The following SEMA3C variants were observed in gnomAD, a reference collection of about 807,000 sequenced individuals.
SEMA3C encodes the protein semaphorin-3C.
In SEMA3C, 47 loss-of-function variants were observed where a neutral mutation model predicts 89.4. That is an observed-to-expected ratio of 0.53 (90% CI 0.42 to 0.67). The LOEUF (loss-of-function observed/expected upper bound fraction) is 0.67, where lower values mean the gene tolerates loss of function less well. Ranked by LOEUF, SEMA3C falls within the 30% of genes least tolerant of loss-of-function variation. The pLI, the probability that SEMA3C is intolerant of heterozygous loss-of-function variation, is 0.00. For missense variants in SEMA3C, 839 were observed against 929.1 expected (o/e 0.90, Z 1.26); for synonymous variants, 310 against 320.2 (o/e 0.97, Z 0.34).
intron 2 of SEMA3C, among the ~76,000 whole-genome samples, chr7:80,863,581 G>T (rs749741765): frequency 4.3e-4 from 65 of 151,370 alleles, no homozygotes; most frequent in Admixed American, 9.9e-4. Flanking sequence ...AGCACAATTC[G>T]CAATTGCAAA....
intron 13 of SEMA3C, among the ~76,000 whole-genome samples, chr7:80,762,948 T>C (rs1379560817): frequency 2.0e-5 from 3 of 152,236 alleles, no homozygotes; most frequent in African/African-American, 7.2e-5. Context: ...TGCATGTATT[T>C]ACCAACATTT....
chr7:80,815,810 T>C (rs1255865049), intron 5 of SEMA3C: 2 of 152,114 alleles, frequency 1.3e-5, no homozygotes, highest in African/African-American at 2.4e-5. Context: ...GGTAAAGTTA[T>C]CTGCTTGATA....
intron 12 of SEMA3C, among the ~76,000 whole-genome samples, chr7:80,785,778 T>C (rs761131904): frequency 4.6e-5 from 7 of 152,134 alleles, no homozygotes; most frequent in Non-Finnish European, 1.0e-4. Flanking sequence ...CGGGATAATT[T>C]TGTATTTTTA....
At chr7:80,890,749 A>G (rs963392947) in intron 2 of SEMA3C, among the ~76,000 whole-genome samples, 1 of 152,226 alleles carries the variant, frequency 6.6e-6, no homozygotes, top group Non-Finnish European at 1.5e-5. Context: ...TTTTAAAATA[A>G]CGTCCTAGCT....
chr7:80,782,825 G>A (rs920666149), intron 12 of SEMA3C, among the ~76,000 whole-genome samples: 1 of 152,112 alleles, frequency 6.6e-6, no homozygotes, highest in Admixed American at 6.6e-5. Context: ...TTCTTCATAT[G>A]ATATTTATAA....
intron 2 of SEMA3C, among the ~76,000 whole-genome samples, chr7:80,850,804 T>G (rs1334190405): frequency 6.6e-6 from 1 of 152,216 alleles, no homozygotes; most frequent in Non-Finnish European, 1.5e-5. Flanking sequence ...AATCGATGCA[T>G]GCATAATCTC....
At chr7:80,753,987 G>T (rs1480477869) in intron 15 of SEMA3C, among the ~76,000 whole-genome samples, 1 of 152,202 alleles carries the variant, frequency 6.6e-6, no homozygotes, top group African/African-American at 2.4e-5. Flanking sequence ...GCCCAGGCTG[G>T]AGTGCAGTGG....
chr7:80,843,678 T>A (rs1160487623), intron 2 of SEMA3C, among the ~76,000 whole-genome samples: 1 of 152,182 alleles, frequency 6.6e-6, no homozygotes, highest in Non-Finnish European at 1.5e-5. Flanking sequence ...AATTGTACAC[T>A]AGCTTTAGGG....
At chr7:80,825,573 T>G (rs1789853678) in intron 4 of SEMA3C, among the ~76,000 whole-genome samples, 1 of 152,164 alleles carries the variant, frequency 6.6e-6, no homozygotes, top group African/African-American at 2.4e-5. Flanking sequence ...AGAAACCAAA[T>G]GACTTGTCTA....
At chr7:80,767,099 C>T (rs1788322109) in intron 12 of SEMA3C, among the ~76,000 whole-genome samples, 1 of 152,188 alleles carries the variant, frequency 6.6e-6, no homozygotes, top group South Asian at 2.1e-4. Flanking sequence ...TCCTTCCATT[C>T]CTGCTCTAAA....
chr7:80,909,461 T>C (rs1480454042), intron 2 of SEMA3C, among the ~76,000 whole-genome samples: 1 of 152,166 alleles, frequency 6.6e-6, no homozygotes, highest in African/African-American at 2.4e-5. Context: ...TATCAGAAAA[T>C]AGTTGTACTA....
chr7:80,794,845 A>G (rs566519557), intron 11 of SEMA3C, among the ~76,000 whole-genome samples: 1 of 152,296 alleles, frequency 6.6e-6, no homozygotes, highest in South Asian at 2.1e-4. Flanking sequence ...ACAAACTTGA[A>G]TTACTTACGG....
intron 12 of SEMA3C, among the ~76,000 whole-genome samples, chr7:80,768,288 C>A (rs974746536): frequency 2.6e-5 from 4 of 152,016 alleles, no homozygotes; most frequent in Non-Finnish European, 5.9e-5. Flanking sequence ...CCGAGGTGGG[C>A]GGATCACGAG....
rs779620887 is a variant in SEMA3C, at chr7:80,827,494, A to C, written c.265-7T>G. Reference sequence around the variant, plus strand: ...TAGATGCTGGCCAGAAAACCTGCTCAGAAAGAAAAATAAAGGTTGCATAAT... The same window carrying C: ...TAGATGCTGGCCAGAAAACCTGCTCCGAAAGAAAAATAAAGGTTGCATAAT... On this transcript the variant is annotated splice_region_variant and splice_polypyrimidine_tract_variant and intron_variant, in intron 3 of 17. Transcript: ENST00000265361. The C allele has an allele frequency of 6.3e-6, 10 of 1,596,958 alleles. No homozygotes were observed. The highest frequency in any genetic ancestry group is 1.7e-4 in the Middle Eastern group (1 of 6,006).
chr7:80,905,328 G>A (rs1188839154), intron 2 of SEMA3C, among the ~76,000 whole-genome samples: 1 of 98,126 alleles, frequency 1.0e-5, no homozygotes, highest in Admixed American at 1.1e-4. Flanking sequence ...GAGAGAGGGG[G>A]AGGGGTGGAG....
intron 2 of SEMA3C, among the ~76,000 whole-genome samples, chr7:80,896,040 A>G (rs1282696190): frequency 6.6e-6 from 1 of 152,098 alleles, no homozygotes; most frequent in Non-Finnish European, 1.5e-5. Context: ...AGTTGTGTTT[A>G]GTTTATCTTA....
chr7:80,788,214 G>T (rs1478769636), intron 12 of SEMA3C, among the ~76,000 whole-genome samples: 1 of 152,128 alleles, frequency 6.6e-6, no homozygotes, highest in Non-Finnish European at 1.5e-5. Context: ...TTACAGACGT[G>T]TTGTCTCTTT....
intron 2 of SEMA3C, among the ~76,000 whole-genome samples, chr7:80,883,967 T>C (rs1006501238): frequency 1.3e-5 from 2 of 152,326 alleles, no homozygotes; most frequent in African/African-American, 4.8e-5. Flanking sequence ...CAAGAGGTCG[T>C]TTCCTAACAT....
intron 12 of SEMA3C, among the ~76,000 whole-genome samples, chr7:80,783,010 A>ATTT (rs933526683): frequency 6.6e-6 from 1 of 152,162 alleles, no homozygotes; most frequent in African/African-American, 2.4e-5. Context: ...ACTAGAACCA[A>ATTT]TTATCATATA....
Sources: gnomAD v4.1 joint callset for allele counts (sites outside exome capture counted in the v4.1 genomes callset) on GRCh38, gnomAD v4.1.1 for gene constraint, MANE v1.5 for transcripts, NCBI Gene and HGNC (gene_info 2026-07-23, HGNC 2026-07-21) for gene names.